Variants in BCL6 observed in about 807,000 individuals in gnomAD.
The protein encoded by BCL6 is BCL6 transcription repressor.
BCL6 carries 7 observed loss-of-function variants against 59.5 expected under a neutral mutation model. That is an observed-to-expected ratio of 0.12 (90% CI 0.07 to 0.22). BCL6 has a LOEUF of 0.22. Ranked by LOEUF, BCL6 falls within the 10% of genes least tolerant of loss-of-function variation. BCL6 has a pLI of 1.00. For missense variants in BCL6, 685 were observed against 939.4 expected (o/e 0.73, Z 3.54); for synonymous variants, 339 against 349.7 (o/e 0.97, Z 0.34).
At chr3:187,738,941 A>G (rs1332444326) in intron 1 of BCL6, among the ~76,000 whole-genome samples, 2 of 152,188 alleles carry the variant, frequency 1.3e-5, no homozygotes, top group African/African-American at 2.4e-5. Flanking sequence ...GGAAATTAGG[A>G]GTCCCGTGGT....
At chr3:187,730,046 A>C in intron 4 of BCL6, 25 bp from the exon 5 acceptor site, 1 of 1,526,962 alleles carries the variant, frequency 6.5e-7, no homozygotes, top group Non-Finnish European at 8.8e-7. Context: ...AAGAGGAAAG[A>C]CACCGGCCCC....
At chr3:187,741,328 T>G (rs186060090) in intron 1 of BCL6, among the ~76,000 whole-genome samples, 1 of 152,226 alleles carries the variant, frequency 6.6e-6, no homozygotes, top group African/African-American at 2.4e-5. Context: ...AAGGTGCACT[T>G]GTCTTCAAAA....
At position 187,725,526 on chromosome 3, in the gene BCL6, G is replaced by A. The variant is rs61732778; in HGVS notation, c.1812C>T (p.Cys604=). Residue 604 remains cysteine (C), a synonymous_variant, in exon 8 of 10, where the codon TGC becomes TGT. Transcript: ENST00000406870. The surrounding 1 kb of genome is among the most constrained non-coding windows in gnomAD (Gnocchi z 4.7). ...RIHSGEKPYK[C]ETCGARFVQV... ...GTACAAATCTGGCTCCGCAGGTTTCGCATTTGTAGGGCTTCTCTCCAGAGT... is the reference window on the plus strand; with the variant it reads ...GTACAAATCTGGCTCCGCAGGTTTCACATTTGTAGGGCTTCTCTCCAGAGT... 0.071 allele frequency: 114,090 copies of A among 1,614,078 alleles called. 4,328 individuals are homozygous for A. The highest frequency in any genetic ancestry group is 0.074 in the Non-Finnish European group (86,960 of 1,180,018).
Position 187,729,583 on chromosome 3 carries a change from G to A in BCL6, c.822C>T (p.His274=), listed in dbSNP as rs373783130. 100 of 1,614,040 alleles carry A rather than the reference G, an allele frequency of 6.2e-5. No individual in the cohort carries two copies. Among genetic ancestry groups the A allele is most frequent in the Non-Finnish European group, 7.3e-5 (86 of 1,180,058 alleles). ...TIPEEARSDM[H]YSVAEGLKPA... is the part of the protein sequence containing the mutation. ...GTTTGAGGCCCTCAGCCACACTGTA[G>A]TGCATATCACTTCGTGCCTCTTCTG... The change falls in exon 5 of 10, where the codon CAC becomes CAT. Residue 274 remains histidine, a synonymous_variant. Transcript: ENST00000406870. The surrounding 1 kb of genome is among the most constrained non-coding windows in gnomAD (Gnocchi z 5.6).
chr3:187,725,173 T>C lies in BCL6; in HGVS notation c.1840-95A>G. Reference sequence around the variant, plus strand: ...CACACAGCCAGTGAGTGGGCCTTTCTCCAGGCCACTCTGCTCACCTGCACA... The same window carrying C: ...CACACAGCCAGTGAGTGGGCCTTTCCCCAGGCCACTCTGCTCACCTGCACA... On this transcript the variant is annotated intron_variant, in intron 8 of 9. Coordinates refer to ENST00000406870, the MANE Select transcript of BCL6 (RefSeq NM_001706.5). This position sits in a 1 kb window ranked among gnomAD's most constrained non-coding sequence, Gnocchi z 4.7. The C allele has an allele frequency of 6.5e-7, 1 of 1,536,512 alleles. No homozygotes were observed. The highest frequency in any genetic ancestry group is 8.9e-7 in the Non-Finnish European group (1 of 1,122,444).
In BCL6 at chr3:187,733,689, G is replaced by C. The variant is rs1455072478; in HGVS notation, c.5C>G (p.Ala2Gly). Reference protein sequence around the residue: MASPADSCIQFT... With the variant: MGSPADSCIQFT... ...CTGGATACAGCTGTCAGCCGGCGAGGCCATTTTGTCTTCACTTGAAAAAAG... is the reference window on the plus strand; with the variant it reads ...CTGGATACAGCTGTCAGCCGGCGAGCCCATTTTGTCTTCACTTGAAAAAAG... Residue 2 changes from alanine to glycine, a missense_variant, in exon 3 of 10, where the codon GCC (alanine) becomes GGC (glycine). Coordinates refer to ENST00000406870, the MANE Select transcript of BCL6 (RefSeq NM_001706.5). 1 of 1,614,032 alleles carries C rather than the reference G, an allele frequency of 6.2e-7. No homozygotes were observed. The highest frequency in any genetic ancestry group is 1.7e-5 in the Admixed American group (1 of 60,006).
intron 1 of BCL6, among the ~76,000 whole-genome samples, chr3:187,744,762 A>T (rs562202451): frequency 6.6e-6 from 1 of 152,084 alleles, no homozygotes; most frequent in Admixed American, 6.6e-5. Context: ...GGAAGGAAGA[A>T]GAGGCGAGGA....
chr3:187,733,142 T>A (rs1313906157), intron 3 of BCL6, among the ~76,000 whole-genome samples: 1 of 152,110 alleles, frequency 6.6e-6, no homozygotes, highest in African/African-American at 2.4e-5. Context: ...ATAAATACAT[T>A]TATAGCATAA....
At chr3:187,727,541 C>T (rs3774306) in intron 6 of BCL6, among the ~76,000 whole-genome samples, 74,944 of 152,074 alleles carry the variant, frequency 0.49, 22,058 homozygotes, top group East Asian at 0.76. Context: ...ACTGGGAGAC[C>T]GAAGCTGATG....
At chr3:187,744,915 C>A (rs537848587) in intron 1 of BCL6, among the ~76,000 whole-genome samples, 3 of 152,196 alleles carry the variant, frequency 2.0e-5, no homozygotes, top group Admixed American at 1.3e-4. Flanking sequence ...AGAGCGAGAG[C>A]GCGAGCGCGC....
intron 3 of BCL6, among the ~76,000 whole-genome samples, chr3:187,732,789 CAT>C (rs1178165607): frequency 6.6e-6 from 1 of 152,210 alleles, no homozygotes; most frequent in Non-Finnish European, 1.5e-5. Flanking sequence ...ATTCACTAAA[CAT>C]TATCTATTAT....
intron 1 of BCL6, among the ~76,000 whole-genome samples, chr3:187,735,700 A>T (rs1419524221): frequency 6.6e-6 from 1 of 152,224 alleles, no homozygotes; most frequent in Non-Finnish European, 1.5e-5. Context: ...AACCTTGAAG[A>T]GATTTAATGA....
chr3:187,730,924 C>G (rs979871471), intron 4 of BCL6, among the ~76,000 whole-genome samples: 3 of 152,214 alleles, frequency 2.0e-5, no homozygotes, highest in African/African-American at 7.2e-5. Context: ...TCTGGGAACA[C>G]TGAGTTCCTG....
chr3:187,738,362 G>A (rs930938986), intron 1 of BCL6, among the ~76,000 whole-genome samples: 1 of 152,160 alleles, frequency 6.6e-6, no homozygotes, highest in African/African-American at 2.4e-5. Context: ...CAAGGTTGGA[G>A]AAAAACTAAA....
chr3:187,724,754 G>A lies in BCL6; in HGVS notation c.1977+187C>T, dbSNP rs1000363741. On this transcript the variant is annotated intron_variant, in intron 9 of 9. Coordinates refer to ENST00000406870, the MANE Select transcript of BCL6 (RefSeq NM_001706.5). ...AATGCTTGGGCCAAGGTCAAGCAGG[G>A]TGTCTGGCCATTGGGCCCAGATCTA... is the stretch of plus-strand genomic sequence containing the variant. The A allele has an allele frequency of 3.8e-5, 29 of 769,570 alleles. No individual in the cohort carries two copies. In the Middle Eastern group the frequency reaches 1.1e-3, roughly 30 times the overall value. The allele number at this position is 769,570 out of a possible 1,614,324, so 47.7% of individuals were successfully genotyped here.
At chr3:187,742,432 G>C (rs2108480838) in intron 1 of BCL6, among the ~76,000 whole-genome samples, 1 of 152,322 alleles carries the variant, frequency 6.6e-6, no homozygotes, top group South Asian at 2.1e-4. Context: ...TTTCAAGAAA[G>C]CATTGGTATA....
intron 3 of BCL6, 100 bp downstream of exon 3, chr3:187,733,433 A>T: frequency 7.2e-7 from 1 of 1,387,928 alleles, no homozygotes; most frequent in Non-Finnish European, 9.9e-7. Flanking sequence ...GCGAGACGTC[A>T]TCCCAGATGC....
chr3:187,738,541 C>G (rs142163377), intron 1 of BCL6, among the ~76,000 whole-genome samples: 1 of 152,206 alleles, frequency 6.6e-6, no homozygotes, highest in Non-Finnish European at 1.5e-5. Flanking sequence ...GCCCCGACCC[C>G]TGCGCGCGCA....
chr3:187,724,041 T>C (rs1055231453), intron 9 of BCL6, among the ~76,000 whole-genome samples: 1 of 152,198 alleles, frequency 6.6e-6, no homozygotes, highest in African/African-American at 2.4e-5. Flanking sequence ...TAAGAAGATA[T>C]TCACTCACAG....
Sources: allele counts gnomAD v4.1 joint callset (sites outside exome capture counted in the v4.1 genomes callset), GRCh38; gene constraint gnomAD v4.1.1; non-coding constraint Gnocchi (gnomAD v3.1); transcripts MANE v1.5; gene names NCBI Gene and HGNC (gene_info 2026-07-23, HGNC 2026-07-21).